Variants in TBC1D21 observed in about 807,000 individuals in gnomAD.
TBC1D21 encodes TBC1 domain family member 21.
Under a neutral mutation model 46.0 loss-of-function variants are expected in TBC1D21, and 38 were observed. That is an observed-to-expected ratio of 0.83 (90% CI 0.64 to 1.08). TBC1D21 has a LOEUF of 1.08. Among genes scored for constraint, TBC1D21 ranks in the 50% least tolerant of loss-of-function variants. TBC1D21 has a pLI of 0.00. For synonymous variants in TBC1D21, 151 were observed against 157.2 expected (o/e 0.96, Z 0.29); for missense variants, 415 against 417.9 (o/e 0.99, Z 0.06).
At position 73,887,757 on chromosome 15, in the gene TBC1D21, G is replaced by A. The variant is rs753743474; in HGVS notation, c.894+21G>A. 3.1e-6 allele frequency: 5 copies of A among 1,602,802 alleles called. No individual in the cohort carries two copies. In the African/African-American group the frequency reaches 4.0e-5, roughly 13 times the overall value. ...TCCTGGTGAGAGCACCCTCGGGCAA[G>A]CTACCACCCCTGCTCCTGGAGGCCC... On this transcript the variant is annotated intron_variant, in intron 9 of 10. Transcript: ENST00000300504.
chr15:73,893,178 G>C (rs1417260820), downstream of TBC1D21, among the ~76,000 whole-genome samples: 1 of 152,114 alleles, frequency 6.6e-6, no homozygotes, highest in Non-Finnish European at 1.5e-5. Context: ...TTCAAGGAAG[G>C]GACTGAAGGG....
At chr15:73,875,364 A>G (rs1236841931) in intron 1 of TBC1D21, among the ~76,000 whole-genome samples, 1 of 151,954 alleles carries the variant, frequency 6.6e-6, no homozygotes, top group Admixed American at 6.6e-5. Context: ...AGCAAAGTCA[A>G]TGACCTTCCC....
chr15:73,883,328 C>G (rs1323629413), intron 3 of TBC1D21, among the ~76,000 whole-genome samples: 1 of 152,242 alleles, frequency 6.6e-6, no homozygotes, highest in Non-Finnish European at 1.5e-5. Context: ...GCAAGTACCA[C>G]AAACTGGGTG....
chr15:73,877,095 C>T (rs985522286), intron 1 of TBC1D21, among the ~76,000 whole-genome samples: 6 of 152,086 alleles, frequency 3.9e-5, no homozygotes, highest in Admixed American at 6.6e-5. Flanking sequence ...TAGATATTTG[C>T]GAAGATTAAA....
Position 73,888,581 on chromosome 15 carries a change from CTTCCTCCTCCTCCTCCTCCTCCT to C in TBC1D21, c.978+69_978+91del, listed in dbSNP as rs1454000275. 25 of 1,002,884 alleles carry C rather than the reference CTTCCTCCTCCTCCTCCTCCTCCT, an allele frequency of 2.5e-5. No homozygotes were observed. The African/African-American group carries it at 4.2e-4, about 17-fold the overall frequency. 62.1% of individuals were successfully genotyped at this position (1,002,884 alleles called of 1,614,324 possible). A position where few individuals can be genotyped will look rare whatever the true frequency, so the allele number is the denominator to read the frequency against. On this transcript the variant is annotated intron_variant, in intron 10 of 10. Coordinates refer to ENST00000300504, the MANE Select transcript of TBC1D21 (RefSeq NM_153356.3). ...TCCTCCTCTTCCTCCTCCTCCTCCT[CTTCCTCCTCCTCCTCCTCCTCCT>C]CTTCTTCCTCCTCCTCCTCTTCTTC...
rs2068057275 is a variant in TBC1D21 at position 73,876,199 on chromosome 15, G to GGTGTTTTTTTTTTTTTT, written c.60+2430_60+2431insGTGTTTTTTTTTTTTTT. Among the ~76,000 whole-genome samples the GGTGTTTTTTTTTTTTTT allele has an allele frequency of 1.4e-4, 4 of 28,314 alleles. 2 individuals carry two copies. Among genetic ancestry groups the GGTGTTTTTTTTTTTTTT allele is most frequent in the Non-Finnish European group, 3.7e-4 (2 of 5,336 alleles). The allele number at this position is 28,314 out of a possible 152,430, so 18.6% of individuals were successfully genotyped here. On this transcript the variant is annotated intron_variant, in intron 1 of 10. Coordinates refer to ENST00000300504, the MANE Select transcript of TBC1D21 (RefSeq NM_153356.3). Reference sequence around the variant, plus strand: ...GAAGAATCAGTGACTTTTTTTGTGGGTTTTTTTTTTTTTTTTTTTTTTTTT... The same window carrying GGTGTTTTTTTTTTTTTT: ...GAAGAATCAGTGACTTTTTTTGTGGGGTGTTTTTTTTTTTTTTTTTTTTTTTTTTTTTTTTTTTTTTT...
At chr15:73,876,051 C>G (rs1027792611) in intron 1 of TBC1D21, among the ~76,000 whole-genome samples, 3 of 152,018 alleles carry the variant, frequency 2.0e-5, no homozygotes, top group Non-Finnish European at 4.4e-5. Flanking sequence ...CAACAGCCTT[C>G]TTGTTCTGGT....
chr15:73,904,004 C>A, the TBC1D21 span, among the ~76,000 whole-genome samples: 1 of 152,154 alleles, frequency 6.6e-6, no homozygotes, highest in Non-Finnish European at 1.5e-5. Context: ...GCTGAGATCA[C>A]GCCACTGCAC....
intron 8 of TBC1D21, 28 bp downstream of exon 8, chr15:73,886,640 G>A (rs750854875): frequency 6.2e-7 from 1 of 1,601,268 alleles, no homozygotes; most frequent in East Asian, 2.2e-5. Context: ...GGATCATCAG[G>A]CTGGGCTCCA....
At chr15:73,892,966 T>C (rs2068349327), downstream of TBC1D21, among the ~76,000 whole-genome samples, 1 of 152,144 alleles carries the variant, frequency 6.6e-6, no homozygotes, top group Admixed American at 6.5e-5. Flanking sequence ...TATGGCGGTG[T>C]TGGTGGCAGA....
chr15:73,892,104 T>A (rs113195336), downstream of TBC1D21, among the ~76,000 whole-genome samples: 11,307 of 152,138 alleles, frequency 0.074, 883 homozygotes, highest in East Asian at 0.2. Context: ...CTTCCTCCCC[T>A]CTGAAGCCCA....
downstream of TBC1D21, among the ~76,000 whole-genome samples, chr15:73,892,622 G>A (rs866828967): frequency 8.5e-5 from 13 of 152,252 alleles, no homozygotes; most frequent in African/African-American, 2.9e-4. Flanking sequence ...TGGCATGCTT[G>A]GCTGTCTGTG....
chr15:73,893,323 A>G (rs7167874), downstream of TBC1D21, among the ~76,000 whole-genome samples: 2,878 of 152,306 alleles, frequency 0.019, 92 homozygotes, highest in African/African-American at 0.066. Context: ...AGGCCTAGAC[A>G]TAATATCTTT....
At chr15:73,892,720 C>T (rs557503754), downstream of TBC1D21, among the ~76,000 whole-genome samples, 3 of 152,310 alleles carry the variant, frequency 2.0e-5, no homozygotes, top group South Asian at 6.2e-4. Flanking sequence ...GGCTCCAGGC[C>T]AATAGTGCGA....
chr15:73,903,126 C>A, the TBC1D21 span, among the ~76,000 whole-genome samples: 3 of 152,200 alleles, frequency 2.0e-5, no homozygotes, highest in Non-Finnish European at 4.4e-5. Flanking sequence ...ACTCGCTCCC[C>A]TTTATCCCAC....
Position 73,884,206 on chromosome 15 carries a change from A to T in TBC1D21, c.328A>T (p.Asn110Tyr), listed in dbSNP as rs745718548. The T allele has an allele frequency of 1.2e-6, 2 of 1,614,098 alleles. No homozygotes were observed. Among genetic ancestry groups the T allele is most frequent in the Admixed American group, 1.7e-5 (1 of 60,006 alleles). Residue 110 changes from asparagine (N) to tyrosine (Y), a missense_variant, in exon 4 of 11, where the codon AAC becomes TAC. Coordinates refer to ENST00000300504, the MANE Select transcript of TBC1D21 (RefSeq NM_153356.3). ...MYEKIQPLLENLHRNFTETRN... is the reference protein window; with the variant it reads ...MYEKIQPLLEYLHRNFTETRN... ...TGAGAAGATTCAGCCCCTTCTGGAAAACCTGCACCGGAACTTCACAGAGAC... is the reference window on the plus strand; with the variant it reads ...TGAGAAGATTCAGCCCCTTCTGGAATACCTGCACCGGAACTTCACAGAGAC...
the TBC1D21 span, among the ~76,000 whole-genome samples, chr15:73,901,187 A>C: frequency 1.4e-4 from 22 of 152,198 alleles, no homozygotes; most frequent in Non-Finnish European, 1.0e-4. Context: ...CCGAGGGCTC[A>C]AAGTTGAGTC....
At chr15:73,905,962 A>T in the TBC1D21 span, among the ~76,000 whole-genome samples, 4 of 152,260 alleles carry the variant, frequency 2.6e-5, no homozygotes, top group East Asian at 7.7e-4. Context: ...TCCTGCCTGA[A>T]CATTGGGAGA....
chr15:73,881,281 A>C (rs1337809949), intron 1 of TBC1D21, 118 bp from the exon 2 acceptor site: 3 of 683,914 alleles, frequency 4.4e-6, no homozygotes, highest in Non-Finnish European at 7.4e-6. Context: ...AGATTTCCGA[A>C]GTAAGTCAGG....
Sources: allele counts gnomAD v4.1 joint callset (sites outside exome capture counted in the v4.1 genomes callset), GRCh38; gene constraint gnomAD v4.1.1; transcripts MANE v1.5; gene names NCBI Gene and HGNC (gene_info 2026-07-23, HGNC 2026-07-21).